The following FLT1 variants were observed in gnomAD, a reference collection of about 807,000 sequenced individuals.
FLT1 encodes vascular endothelial growth factor receptor 1.
In FLT1, 49 loss-of-function variants were observed where a neutral mutation model predicts 156.3. The observed-to-expected ratio is 0.31, with a 90% CI of 0.25 to 0.40. The LOEUF (loss-of-function observed/expected upper bound fraction) is 0.40, where lower values mean the gene tolerates loss of function less well. FLT1 is among the 10% of genes least tolerant of loss of function. The pLI is 1.00. For missense variants in FLT1, 1,322 were observed against 1,637.2 expected (o/e 0.81, Z 3.32); for synonymous variants, 594 against 583.8 (o/e 1.02, Z -0.25).
rs1326575426 is a variant in FLT1 at position 28,300,500 on chromosome 13, A to T, written c.*2667T>A. ...AAAATTCCAGTTTCCTTAAATAGTT[A>T]TGCACAAAACACACATACACCCACA... On this transcript the variant is annotated 3_prime_UTR_variant, in exon 30 of 30. Transcript: ENST00000282397. 4.5e-6 allele frequency: 1 copy of T among 224,502 alleles called. No homozygotes were observed. The highest frequency in any genetic ancestry group is 8.6e-6 in the Non-Finnish European group (1 of 116,456). 13.9% of individuals were successfully genotyped at this position (224,502 alleles called of 1,614,324 possible).
At chr13:28,477,580 G>A (rs17086739) in intron 1 of FLT1, among the ~76,000 whole-genome samples, 1,592 of 152,282 alleles carry the variant, frequency 0.01, 67 homozygotes, top group Admixed American at 0.064. Flanking sequence ...GTAGACCTTC[G>A]TCTGGTTATG....
intron 1 of FLT1, among the ~76,000 whole-genome samples, chr13:28,479,547 A>G (rs956947067): frequency 2.0e-5 from 3 of 152,234 alleles, no homozygotes; most frequent in African/African-American, 4.8e-5. Flanking sequence ...AATTCATGTT[A>G]TACAAGTTTT....
chr13:28,329,844 C>T, intron 18 of FLT1, 116 bp from the exon 19 acceptor site: 1 of 817,144 alleles, frequency 1.2e-6, no homozygotes, highest in Non-Finnish European at 2.1e-6. Context: ...CACTAACTTC[C>T]CCACATTCTG....
chr13:28,434,775 C>G (rs181312922), intron 4 of FLT1, among the ~76,000 whole-genome samples: 4 of 152,200 alleles, frequency 2.6e-5, no homozygotes. Context: ...CCCAGCCTCT[C>G]GGGAGGCTGA....
At chr13:28,412,377 TTTC>T (rs1263397451) in intron 10 of FLT1, among the ~76,000 whole-genome samples, 63 of 120,610 alleles carry the variant, frequency 5.2e-4, no homozygotes, top group Admixed American at 7.8e-4. Context: ...TCTTTCTTTC[TTTC>T]TTTCTTTCTT....
At chr13:28,309,009 C>T (rs1870871893) in intron 27 of FLT1, 82 bp from the exon 28 acceptor site, 1 of 805,816 alleles carries the variant, frequency 1.2e-6, no homozygotes. Flanking sequence ...GCACCATATC[C>T]CAGCTAAGAT....
chr13:28,420,992 A>C (rs1593773094), intron 10 of FLT1, among the ~76,000 whole-genome samples: 8 of 140,760 alleles, frequency 5.7e-5, no homozygotes, highest in African/African-American at 1.1e-4. Flanking sequence ...AGGCCACCCC[A>C]CCCCCCATCC....
chr13:28,385,833 AC>A, intron 13 of FLT1: 5 of 1,052,120 alleles, frequency 4.8e-6, no homozygotes, highest in Non-Finnish European at 5.7e-6. Context: ...GAACAGCAGT[AC>A]CCCCAAGGCC....
In FLT1 at chr13:28,430,119, G is replaced by A; in HGVS notation, c.1037C>T (p.Thr346Ile). Residue 346 changes from threonine (T) to isoleucine (I), a missense_variant, in exon 8 of 30, where the codon ACC becomes ATC. Thr to Ile is a moderately conservative substitution (Grantham distance 89, BLOSUM62 -1). Transcript: ENST00000282397. ...CCGGTAAGACCGCTTGCCAGCTACG[G>A]TTTCAAGCACCTGCTGTTTTCGATG... ...VKHRKQQVLE[T>I]VAGKRSYRLS... 6.2e-7 allele frequency: 1 copy of A among 1,613,954 alleles called. No homozygotes were observed.
chr13:28,406,461 G>A (rs1008111806), intron 10 of FLT1, among the ~76,000 whole-genome samples: 1 of 152,028 alleles, frequency 6.6e-6, no homozygotes, highest in African/African-American at 2.4e-5. Flanking sequence ...TAAAGGTGTT[G>A]ATGTTATTTA....
chr13:28,304,869 C>T (rs1412050944), intron 29 of FLT1, among the ~76,000 whole-genome samples: 1 of 152,174 alleles, frequency 6.6e-6, no homozygotes, highest in African/African-American at 2.4e-5. Context: ...ATGCATACTT[C>T]ACACTTTTTA....
intron 16 of FLT1, among the ~76,000 whole-genome samples, chr13:28,341,141 A>AG (rs1305586537): frequency 6.6e-6 from 1 of 152,172 alleles, no homozygotes; most frequent in Non-Finnish European, 1.5e-5. Flanking sequence ...TGACAGAGGC[A>AG]GGGGAATAGG....
chr13:28,460,654 TC>T (rs557540385), intron 3 of FLT1, among the ~76,000 whole-genome samples: 256 of 87,794 alleles, frequency 2.9e-3, no homozygotes, highest in African/African-American at 9.8e-3. Context: ...GGTGTGCCCC[TC>T]CCCCCACCCC....
intron 17 of FLT1, among the ~76,000 whole-genome samples, chr13:28,336,897 G>A (rs922274349): frequency 2.0e-5 from 3 of 151,862 alleles, no homozygotes; most frequent in South Asian, 2.1e-4. Context: ...ACAGGCACGC[G>A]CCACTACAGC....
chr13:28,474,588 T>G (rs1305945139), intron 1 of FLT1, among the ~76,000 whole-genome samples: 1 of 151,816 alleles, frequency 6.6e-6, no homozygotes, highest in African/African-American at 2.4e-5. Context: ...ATTGTATGAT[T>G]CCATTTATAT....
intron 15 of FLT1, among the ~76,000 whole-genome samples, chr13:28,349,955 T>C (rs982799377): frequency 6.6e-6 from 1 of 152,248 alleles, no homozygotes; most frequent in Admixed American, 6.5e-5. Context: ...GATGGCTTAG[T>C]CTCTATCTCT....
At chr13:28,446,270 C>T (rs776178404) in intron 3 of FLT1, among the ~76,000 whole-genome samples, 12 of 152,150 alleles carry the variant, frequency 7.9e-5, no homozygotes, top group East Asian at 3.8e-4. Context: ...CCACCCTCAC[C>T]GCTTCTATTC....
rs770447084 is a variant in FLT1 at position 28,423,131 on chromosome 13, A to G, written c.1436+4028T>C. 5.9e-5 allele frequency among the ~76,000 whole-genome samples: 9 copies of G among 152,258 alleles called. No individual in the cohort carries two copies. The East Asian group carries it at 1.7e-3, about 29-fold the overall frequency. ...GCAGGCGGAACGTGAAGTTCTAGAA[A>G]TTGAAAGTGGACTGGCTGAGCAGGC... On this transcript the variant is annotated intron_variant, in intron 10 of 29. Coordinates refer to ENST00000282397, the MANE Select transcript of FLT1 (RefSeq NM_002019.4).
chr13:28,386,871 A>C (rs1874396626), intron 13 of FLT1: 1 of 1,048,740 alleles, frequency 9.5e-7, no homozygotes, highest in African/African-American at 1.7e-5. Flanking sequence ...TCACTGAGTT[A>C]TACTTTTAAT....
Sources: allele counts gnomAD v4.1 joint callset (sites outside exome capture counted in the v4.1 genomes callset), GRCh38; gene constraint gnomAD v4.1.1; transcripts MANE v1.5; gene names NCBI Gene and HGNC (gene_info 2026-07-23, HGNC 2026-07-21).